Variants in KIFC3 observed in about 807,000 individuals in gnomAD.
KIFC3 encodes kinesin family member C3.
Under a neutral mutation model 101.8 loss-of-function variants are expected in KIFC3, and 60 were observed. That is an observed-to-expected ratio of 0.59 (90% CI 0.48 to 0.73). The LOEUF (loss-of-function observed/expected upper bound fraction) is 0.73. Ranked by LOEUF, KIFC3 falls within the 30% of genes least tolerant of loss-of-function variation. The pLI is 0.00. For missense variants in KIFC3, 966 were observed against 1,137.1 expected, an observed-to-expected ratio of 0.85 and a Z score of 2.16; for synonymous variants, 476 against 482.7, an observed-to-expected ratio of 0.99 and a Z score of 0.18.
chr16:57,858,726 C>A (rs1313627024), intron 1 of KIFC3, among the ~76,000 whole-genome samples: 5 of 152,100 alleles, frequency 3.3e-5, no homozygotes, highest in African/African-American at 1.2e-4. Context: ...GTGGACGGAT[C>A]ACTTGAGGTC....
chr16:57,845,947 G>A (rs1197832995), intron 1 of KIFC3, among the ~76,000 whole-genome samples: 11 of 152,164 alleles, frequency 7.2e-5, no homozygotes, highest in African/African-American at 2.4e-4. Context: ...TTTAAGATTT[G>A]TGAAAGGAAG....
chr16:57,772,412 G>GAAGAA, intron 3 of KIFC3, 124 bp from the exon 4 acceptor site: 2 of 749,120 alleles, frequency 2.7e-6, no homozygotes, highest in Non-Finnish European at 2.2e-6. Flanking sequence ...TGTGGCCTTA[G>GAAGAA]GTTCCCCTAT....
At chr16:57,785,088 C>G (rs1555616875) in intron 3 of KIFC3, among the ~76,000 whole-genome samples, 1 of 152,206 alleles carries the variant, frequency 6.6e-6, no homozygotes, top group Non-Finnish European at 1.5e-5. Flanking sequence ...CTCAGGCTGC[C>G]CAGTGCAGGG....
At chr16:57,824,551 T>C (rs1453426293) in intron 1 of KIFC3, among the ~76,000 whole-genome samples, 3 of 152,046 alleles carry the variant, frequency 2.0e-5, no homozygotes, top group Admixed American at 2.0e-4. Context: ...GGCGTGGTGG[T>C]GCATGCCTGT....
At chr16:57,760,991 T>C (rs781961618) in intron 15 of KIFC3, 36 bp from the exon 16 acceptor site, 38 of 1,603,738 alleles carry the variant, frequency 2.4e-5, no homozygotes, top group Non-Finnish European at 3.1e-5. Flanking sequence ...AGGCCTGCCC[T>C]GCCCCTTGGG....
upstream of KIFC3, among the ~76,000 whole-genome samples, chr16:57,807,258 T>C (rs1403733382): frequency 2.0e-5 from 3 of 150,206 alleles, no homozygotes; most frequent in Admixed American, 1.3e-4. Context: ...CTCTTGGAGG[T>C]GAAGAGCCTG....
At chr16:57,760,044 T>A (rs2049640632) in intron 17 of KIFC3, 4 of 615,554 alleles carry the variant, frequency 6.5e-6, no homozygotes, top group Admixed American at 3.0e-5. Context: ...CCACTGAGCA[T>A]CTACTATGTG....
At position 57,798,096 on chromosome 16, in the gene KIFC3, T is replaced by C; in HGVS notation, c.148A>G (p.Thr50Ala). The C allele has an allele frequency of 6.3e-7, 1 of 1,591,888 alleles. No homozygotes were observed. Among genetic ancestry groups the C allele is most frequent in the Admixed American group, 1.7e-5 (1 of 57,750 alleles). The change falls in exon 2 of 20, where the codon ACC becomes GCC. Residue 50 changes from threonine to alanine, a missense_variant. Physicochemically the swap from Thr to Ala is moderately conservative, Grantham distance 58. Coordinates refer to ENST00000445690, the MANE Select transcript of KIFC3 (RefSeq NM_001130100.2). ...ASPAARPFPH[T>A]GPGRLRTGRG... The stretch of plus-strand genomic sequence containing the variant: ...CCAGTTCTCAACCTCCCCGGGCCGG[T>C]GTGTGGGAAAGGGCGGGCGGCCGGG...
intron 3 of KIFC3, chr16:57,776,129 C>G: frequency 1.0e-6 from 1 of 985,518 alleles, no homozygotes; most frequent in Non-Finnish European, 1.2e-6. Flanking sequence ...TACCTCCTTA[C>G]CTCCCACCAA....
intron 1 of KIFC3, among the ~76,000 whole-genome samples, chr16:57,860,212 G>A (rs1456428242): frequency 4.6e-5 from 7 of 151,990 alleles, no homozygotes; most frequent in East Asian, 1.9e-4. Flanking sequence ...CCAGCACTTC[G>A]GGAGGCCGAA....
chr16:57,803,975 A>G (rs1247630419), upstream of KIFC3, among the ~76,000 whole-genome samples: 3 of 152,140 alleles, frequency 2.0e-5, no homozygotes, highest in East Asian at 1.9e-4. Context: ...TATAGTCCCT[A>G]TGAGTTGATG....
chr16:57,844,855 T>C (rs1001891144), intron 1 of KIFC3, among the ~76,000 whole-genome samples: 8 of 152,158 alleles, frequency 5.3e-5, no homozygotes, highest in Non-Finnish European at 8.8e-5. Context: ...GCTGTGGTGT[T>C]GAACAAGGCA....
At chr16:57,836,051 CG>C (rs2055679099) in intron 1 of KIFC3, among the ~76,000 whole-genome samples, 2 of 152,192 alleles carry the variant, frequency 1.3e-5, no homozygotes, top group Non-Finnish European at 2.9e-5. Flanking sequence ...GAAACCCAGT[CG>C]CCAGCCTGAA....
chr16:57,859,301 G>A (rs1044798229), intron 1 of KIFC3, among the ~76,000 whole-genome samples: 5 of 152,120 alleles, frequency 3.3e-5, no homozygotes, highest in East Asian at 3.8e-4. Flanking sequence ...AAATGTCTAC[G>A]CTAAAGACAC....
chr16:57,853,735 A>G (rs691097), intron 1 of KIFC3, among the ~76,000 whole-genome samples: 127,496 of 152,170 alleles, frequency 0.84, 53,642 homozygotes, highest in East Asian at 0.98. Context: ...AGGTTCAAGC[A>G]ATTCTCCTGT....
chr16:57,793,362 G>A (rs1256904615), intron 3 of KIFC3, among the ~76,000 whole-genome samples: 43 of 151,570 alleles, frequency 2.8e-4, no homozygotes, highest in Admixed American at 2.6e-3. Flanking sequence ...GGAGGCTGGG[G>A]CGGGCAGATC....
chr16:57,771,452 A>G lies in KIFC3; in HGVS notation c.526-15T>C. ...TGGGCGCTCTCCTGCAGCCATTGGGAGGCACTGGATGAGTGCAAGGGACAG... is the reference window on the plus strand; with the variant it reads ...TGGGCGCTCTCCTGCAGCCATTGGGGGGCACTGGATGAGTGCAAGGGACAG... On this transcript the variant is annotated splice_polypyrimidine_tract_variant and intron_variant, in intron 5 of 19. Transcript: ENST00000445690. 1 of 1,613,444 alleles carries G rather than the reference A, an allele frequency of 6.2e-7. No homozygotes were observed. Among genetic ancestry groups the G allele is most frequent in the Non-Finnish European group, 8.5e-7 (1 of 1,179,946 alleles).
rs188287285 is a variant in KIFC3, at chr16:57,774,724, G to T, written c.316-2436C>A. ...TTTTTTTAATGTATAGAAGGGTCTT[G>T]CCATTTTGCCCAAGCTGGCCTTGAA... On this transcript the variant is annotated intron_variant, in intron 3 of 19. Transcript: ENST00000445690. 4.5e-3 allele frequency: 2,100 copies of T among 467,990 alleles called. 7 individuals carry two copies. The highest frequency in any genetic ancestry group is 6.4e-3 in the Admixed American group (154 of 24,054). The allele number at this position is 467,990 out of a possible 1,614,324, so 29.0% of individuals were successfully genotyped here. A position where few individuals can be genotyped will look rare whatever the true frequency, so the allele number is the denominator to read the frequency against.
intron 1 of KIFC3, among the ~76,000 whole-genome samples, chr16:57,821,287 T>C (rs1396842806): frequency 6.6e-6 from 1 of 152,128 alleles, no homozygotes; most frequent in Non-Finnish European, 1.5e-5. Flanking sequence ...GAGGGGTGGC[T>C]GGGCATCAAG....
Sources: gnomAD v4.1 joint callset for allele counts (sites outside exome capture counted in the v4.1 genomes callset) on GRCh38, gnomAD v4.1.1 for gene constraint, MANE v1.5 for transcripts, NCBI Gene and HGNC (gene_info 2026-07-23, HGNC 2026-07-21) for gene names.